EYS: variants seen among roughly 807,000 people sequenced by gnomAD.
The protein encoded by EYS is EGF-like photoreceptor maintenance factor.
Under a neutral mutation model 282.1 loss-of-function variants are expected in EYS, and 250 were observed. The ratio of observed to expected loss-of-function variants is 0.89; its 90% CI spans 0.80 to 0.98. The LOEUF is 0.98. Ranked by LOEUF, EYS falls within the 50% of genes least tolerant of loss-of-function variation. EYS has a pLI of 0.00. For missense variants in EYS, 4,016 were observed against 3,709.0 expected, an observed-to-expected ratio of 1.08 and a Z score of -2.15; for synonymous variants, 1,355 against 1,282.9, an observed-to-expected ratio of 1.06 and a Z score of -1.20.
At chr6:65,419,530 T>C (rs1481850373) in intron 5 of EYS, among the ~76,000 whole-genome samples, 1 of 151,902 alleles carries the variant, frequency 6.6e-6, no homozygotes, top group Non-Finnish European at 1.5e-5. Context: ...ATCTGTACAA[T>C]TTTGTTCATT....
intron 11 of EYS, among the ~76,000 whole-genome samples, chr6:65,333,051 TTATC>T (rs1040459615): frequency 2.0e-4 from 31 of 151,372 alleles, no homozygotes; most frequent in Non-Finnish European, 2.5e-4. Context: ...TCTTTATTGT[TTATC>T]TATATTTTAT....
intron 4 of EYS, among the ~76,000 whole-genome samples, chr6:65,491,793 G>A (rs1206117205): frequency 6.6e-6 from 1 of 152,118 alleles, no homozygotes; most frequent in Non-Finnish European, 1.5e-5. Flanking sequence ...CAGCATCACA[G>A]AGTATCTATA....
intron 12 of EYS, among the ~76,000 whole-genome samples, chr6:65,144,983 C>A (rs1305439082): frequency 6.6e-6 from 1 of 151,838 alleles, no homozygotes; most frequent in East Asian, 1.9e-4. Flanking sequence ...GTTGGCCAGG[C>A]TAGTCTCAAA....
chr6:64,471,658 C>G (rs1776125712), intron 26 of EYS, among the ~76,000 whole-genome samples: 1 of 152,128 alleles, frequency 6.6e-6, no homozygotes, highest in South Asian at 2.1e-4. Context: ...GAACACACTT[C>G]TAAAAGCAAT....
chr6:65,111,500 T>A (rs1775210580), intron 12 of EYS, among the ~76,000 whole-genome samples: 1 of 152,214 alleles, frequency 6.6e-6, no homozygotes, highest in African/African-American at 2.4e-5. Context: ...TGTCACAAAA[T>A]TCTACATAAT....
chr6:64,291,284 A>T (rs1261153955), intron 30 of EYS, among the ~76,000 whole-genome samples: 1 of 152,102 alleles, frequency 6.6e-6, no homozygotes, highest in Non-Finnish European at 1.5e-5. Context: ...GAATGCTATT[A>T]TTCCAAAATG....
intron 35 of EYS, among the ~76,000 whole-genome samples, chr6:63,937,366 T>A (rs1481937237): frequency 1.7e-5 from 1 of 57,622 alleles, no homozygotes; most frequent in African/African-American, 8.0e-5. Flanking sequence ...TTTTTTTTTT[T>A]TTTTTTTTTT....
rs1240025229 is a variant in EYS at position 64,597,402 on chromosome 6, AG to A, written c.3685-4094del. 5.9e-5 allele frequency among the ~76,000 whole-genome samples: 9 copies of A among 152,336 alleles called. No individual in the cohort carries two copies. In the East Asian group the frequency reaches 1.7e-3, roughly 29 times the overall value. ...AGGAAAATAAATCATTATATCAAAA[AG>A]ATACATGTATTTATATGTTTATCAC... is the stretch of plus-strand genomic sequence containing the variant. On this transcript the variant is annotated intron_variant, in intron 24 of 42. Coordinates refer to ENST00000503581, the MANE Select transcript of EYS (RefSeq NM_001142800.2).
At chr6:63,730,227 A>G (rs898156557) in intron 41 of EYS, among the ~76,000 whole-genome samples, 9 of 152,208 alleles carry the variant, frequency 5.9e-5, no homozygotes, top group African/African-American at 1.9e-4. Flanking sequence ...CACTGCCACC[A>G]TCCAAGTTGA....
At chr6:64,818,483 A>G (rs1232623230) in intron 21 of EYS, among the ~76,000 whole-genome samples, 1 of 152,136 alleles carries the variant, frequency 6.6e-6, no homozygotes, top group African/African-American at 2.4e-5. Context: ...AAGTCCTACA[A>G]TAGGCCGTCT....
At chr6:64,396,107 A>G (rs1476989020) in intron 28 of EYS, among the ~76,000 whole-genome samples, 1 of 151,424 alleles carries the variant, frequency 6.6e-6, no homozygotes, top group Non-Finnish European at 1.5e-5. Flanking sequence ...CTCTCTCACA[A>G]CTCTTCTATC....
In EYS at chr6:65,686,967, C is replaced by A. The variant is rs527303110; in HGVS notation, c.-448+20168G>T. Among the ~76,000 whole-genome samples the A allele has an allele frequency of 3.2e-4, 48 of 151,380 alleles. 1 individual carries two copies. The highest frequency in any genetic ancestry group is 6.8e-3 in the Middle Eastern group (2 of 294). On this transcript the variant is annotated intron_variant, in intron 1 of 42. Coordinates refer to ENST00000503581, the MANE Select transcript of EYS (RefSeq NM_001142800.2). ...TATTTAAATCGATTTTATTAGAACA[C>A]AAAAATGTTATTTTTAATTTAAAGT...
At chr6:64,786,418 G>T (rs1300743842) in intron 22 of EYS, among the ~76,000 whole-genome samples, 1 of 152,034 alleles carries the variant, frequency 6.6e-6, no homozygotes, top group African/African-American at 2.4e-5. Flanking sequence ...GACCAGGCAT[G>T]TCATTCACCT....
rs1342809037 is a variant in EYS at position 64,813,487 on chromosome 6, C to A, written c.3334G>T (p.Ala1112Ser). Residue 1112 changes from alanine (A) to serine (S), a missense_variant, in exon 22 of 43, where the codon GCA becomes TCA. Transcript: ENST00000503581. ...TCICPRGYTG[A>S]YCEKSIDNCA... The stretch of plus-strand genomic sequence containing the variant: ...TTATCAATGCTTTTTTCACAGTATG[C>A]ACCAGTGTATCCACGTGGGCAAATG... 6.4e-7 allele frequency: 1 copy of A among 1,550,548 alleles called. No individual in the cohort carries two copies. Among genetic ancestry groups the A allele is most frequent in the Non-Finnish European group, 8.7e-7 (1 of 1,146,230 alleles).
At chr6:64,679,086 T>A (rs1398453665) in intron 22 of EYS, among the ~76,000 whole-genome samples, 1 of 152,190 alleles carries the variant, frequency 6.6e-6, no homozygotes, top group Non-Finnish European at 1.5e-5. Context: ...AGCTGTACTA[T>A]AAAAAGTTAC....
Position 65,241,906 on chromosome 6 carries a change from G to A in EYS, c.2023+53957C>T, listed in dbSNP as rs142642265. Among the ~76,000 whole-genome samples, 210 of 152,066 alleles carry A rather than the reference G, an allele frequency of 1.4e-3. 1 individual carries two copies. Among genetic ancestry groups the A allele is most frequent in the African/African-American group, 4.6e-3 (190 of 41,516 alleles). ...TTAGCTATTCCTAATGTGTGCATGC[G>A]TGTGTGTATTTCAGAACAATGTATT... On this transcript the variant is annotated intron_variant, in intron 12 of 42. Coordinates refer to ENST00000503581, the MANE Select transcript of EYS (RefSeq NM_001142800.2).
rs139651069 is a variant in EYS at position 65,023,383 on chromosome 6, A to G, written c.2138-25680T>C. Among the ~76,000 whole-genome samples, 4 of 152,312 alleles carry G rather than the reference A, an allele frequency of 2.6e-5. No homozygotes were observed. In the East Asian group the frequency reaches 7.7e-4, roughly 29 times the overall value. ...TTTCTCCACCACTGGAACAGATATA[A>G]TACTCTAAATATAAAGAGATTTTTA... On this transcript the variant is annotated intron_variant, in intron 13 of 42. Coordinates refer to ENST00000503581, the MANE Select transcript of EYS (RefSeq NM_001142800.2).
intron 19 of EYS, among the ~76,000 whole-genome samples, chr6:64,864,261 G>A (rs1229686939): frequency 2.6e-5 from 4 of 151,768 alleles, no homozygotes; most frequent in Non-Finnish European, 4.4e-5. Context: ...CCTTGGTACT[G>A]GCTAAATTAT....
chr6:63,742,121 G>C (rs950504143), intron 41 of EYS: 1 of 594,408 alleles, frequency 1.7e-6, no homozygotes, highest in African/African-American at 1.8e-5. Context: ...TGCAGTTCTT[G>C]ACAAGGCTGA....
Sources: allele counts gnomAD v4.1 joint callset (sites outside exome capture counted in the v4.1 genomes callset), GRCh38; gene constraint gnomAD v4.1.1; transcripts MANE v1.5; gene names NCBI Gene and HGNC (gene_info 2026-07-23, HGNC 2026-07-21).